TOM1L2: variants seen among roughly 807,000 people sequenced by gnomAD.
TOM1L2 encodes the protein TOM1-like protein 2.
Under a neutral mutation model 67.9 loss-of-function variants are expected in TOM1L2, and 31 were observed. The observed-to-expected ratio is 0.46, with a 90% CI of 0.34 to 0.62. The LOEUF is 0.62. TOM1L2 is among the 20% of genes least tolerant of loss of function. The pLI, the probability that TOM1L2 is intolerant of heterozygous loss-of-function variation, is 0.01. For synonymous variants in TOM1L2, 256 were observed against 254.0 expected, an observed-to-expected ratio of 1.01 and a Z score of -0.07; for missense variants, 606 against 663.5, an observed-to-expected ratio of 0.91 and a Z score of 0.95.
intron 12 of TOM1L2, among the ~76,000 whole-genome samples, chr17:17,857,518 T>C (rs1035133685): frequency 6.6e-6 from 1 of 152,204 alleles, no homozygotes; most frequent in Non-Finnish European, 1.5e-5. Context: ...GACCCTCTCC[T>C]CATCCCTGCT....
chr17:17,869,198 C>A, intron 8 of TOM1L2, 142 bp downstream of exon 8: 1 of 1,475,972 alleles, frequency 6.8e-7, no homozygotes, highest in South Asian at 1.3e-5. Flanking sequence ...CAGCCGGGAA[C>A]AAATTAGCAT....
rs2041234944 is a variant in TOM1L2 at position 17,952,289 on chromosome 17, C to T, written c.52+19973G>A. ...GAAACTTCATGGAACATGCGCCACA[C>T]ACTAAGCAGCTGATTACCTCTGGGG... On this transcript the variant is annotated intron_variant, in intron 1 of 14. Transcript: ENST00000379504. Among the ~76,000 whole-genome samples, 6 of 151,584 alleles carry T rather than the reference C, an allele frequency of 4.0e-5. No individual in the cohort carries two copies. The South Asian group carries it at 1.2e-3, about 32-fold the overall frequency.
intron 1 of TOM1L2, among the ~76,000 whole-genome samples, chr17:17,959,004 G>A (rs1339988741): frequency 2.0e-5 from 3 of 152,206 alleles, no homozygotes; most frequent in African/African-American, 7.2e-5. Context: ...GTGCTGGGAG[G>A]CTGGCACAGA....
intron 12 of TOM1L2, 106 bp downstream of exon 12, chr17:17,861,370 C>A (rs1297273907): frequency 1.8e-6 from 2 of 1,087,458 alleles, no homozygotes; most frequent in Non-Finnish European, 2.7e-6. Flanking sequence ...GGTGTCCCTG[C>A]CCCCTGTGCA....
intron 1 of TOM1L2, among the ~76,000 whole-genome samples, chr17:17,923,709 T>C (rs547474238): frequency 6.6e-6 from 1 of 150,982 alleles, no homozygotes; most frequent in East Asian, 2.0e-4. Flanking sequence ...AAGTTAAAAT[T>C]GTAGATTTTA....
chr17:17,884,378 G>T (rs1193907265), intron 5 of TOM1L2, among the ~76,000 whole-genome samples: 2 of 152,152 alleles, frequency 1.3e-5, no homozygotes, highest in African/African-American at 4.8e-5. Flanking sequence ...CTCCGCCCAA[G>T]TAGCCATTTC....
At chr17:17,848,770 A>G (rs1441584132) in intron 14 of TOM1L2, 53 bp downstream of exon 14, 1 of 1,602,186 alleles carries the variant, frequency 6.2e-7, no homozygotes, top group African/African-American at 1.3e-5. Context: ...GCTCCTGTGC[A>G]GCCTGCACAG....
At chr17:17,861,148 G>A (rs968757088) in intron 12 of TOM1L2, among the ~76,000 whole-genome samples, 1 of 152,156 alleles carries the variant, frequency 6.6e-6, no homozygotes, top group African/African-American at 2.4e-5. Context: ...GGAACAGCAG[G>A]GGTTCTGGAA....
intron 7 of TOM1L2, among the ~76,000 whole-genome samples, chr17:17,873,064 C>T (rs1308296220): frequency 6.6e-6 from 1 of 152,196 alleles, no homozygotes; most frequent in Non-Finnish European, 1.5e-5. Flanking sequence ...TGGCCTCAGG[C>T]ACTTGCCACA....
At chr17:17,865,217 G>A (rs2143772767) in intron 10 of TOM1L2, among the ~76,000 whole-genome samples, 1 of 152,282 alleles carries the variant, frequency 6.6e-6, no homozygotes, top group Middle Eastern at 3.4e-3. Context: ...TTCAAGGAGA[G>A]CAAATATTTC....
At chr17:17,937,514 A>G (rs1387974502) in intron 1 of TOM1L2, among the ~76,000 whole-genome samples, 2 of 152,210 alleles carry the variant, frequency 1.3e-5, no homozygotes, top group Non-Finnish European at 2.9e-5. Flanking sequence ...CAGATGAAAC[A>G]AAGGTTCTTT....
chr17:17,848,729 G>A, intron 14 of TOM1L2, 94 bp downstream of exon 14: 1 of 1,426,414 alleles, frequency 7.0e-7, no homozygotes, highest in Non-Finnish European at 9.8e-7. Context: ...TAGGTGCTCT[G>A]GCAGCGGGGG....
intron 14 of TOM1L2, among the ~76,000 whole-genome samples, 160 bp from the exon 15 acceptor site, chr17:17,847,943 G>T (rs1013706487): frequency 2.0e-5 from 3 of 152,128 alleles, no homozygotes; most frequent in Non-Finnish European, 2.9e-5. Flanking sequence ...AGTGTGGGGG[G>T]AGGCTCCTGG....
rs116637581 is a variant in TOM1L2, at chr17:17,910,487, G to A, written c.53-2956C>T. On this transcript the variant is annotated intron_variant, in intron 1 of 14. Transcript: ENST00000379504. ...GAGAACCACCTGGGGAGCTTCTAGA[G>A]AGCACCAATACCTGAGCCTCATGCC... is the stretch of plus-strand genomic sequence containing the variant. Among the ~76,000 whole-genome samples the A allele has an allele frequency of 7.3e-3, 1,111 of 152,308 alleles. 17 individuals are homozygous for A. Among genetic ancestry groups the A allele is most frequent in the African/African-American group, 0.025 (1,019 of 41,564 alleles).
intron 1 of TOM1L2, 141 bp from the exon 2 acceptor site, chr17:17,907,672 T>C: frequency 1.5e-6 from 1 of 679,950 alleles, no homozygotes; most frequent in Non-Finnish European, 2.5e-6. Flanking sequence ...GGAGTGCTAT[T>C]ATCACAAGAG....
At chr17:17,915,838 TA>T (rs2039606012) in intron 1 of TOM1L2, among the ~76,000 whole-genome samples, 1 of 123,612 alleles carries the variant, frequency 8.1e-6, no homozygotes, top group African/African-American at 3.7e-5. Flanking sequence ...TTAAACTGAG[TA>T]GGTTTTTTTT....
At chr17:17,875,350 C>T (rs188830898) in intron 7 of TOM1L2, among the ~76,000 whole-genome samples, 1 of 152,252 alleles carries the variant, frequency 6.6e-6, no homozygotes, top group East Asian at 1.9e-4. Context: ...CAGTGCCAGC[C>T]GGCCACCTGC....
intron 1 of TOM1L2, among the ~76,000 whole-genome samples, chr17:17,948,242 A>C (rs2041038561): frequency 6.6e-6 from 1 of 152,224 alleles, no homozygotes; most frequent in African/African-American, 2.4e-5. Flanking sequence ...TCTTGATACC[A>C]AGATAAATAC....
chr17:17,907,117 G>A (rs543326081), intron 2 of TOM1L2, among the ~76,000 whole-genome samples: 1 of 152,374 alleles, frequency 6.6e-6, no homozygotes, highest in South Asian at 2.1e-4. Flanking sequence ...AGAGGCCAGG[G>A]AGGAGGGGAG....
Sources: allele counts gnomAD v4.1 joint callset (sites outside exome capture counted in the v4.1 genomes callset), GRCh38; gene constraint gnomAD v4.1.1; transcripts MANE v1.5; gene names NCBI Gene and HGNC (gene_info 2026-07-23, HGNC 2026-07-21).